The following CLC variants were observed in gnomAD, a reference collection of about 807,000 sequenced individuals.
CLC encodes the protein Charcot-Leyden crystal galectin, also known as galectin-10.
Under a neutral mutation model 13.9 loss-of-function variants are expected in CLC, and 15 were observed. The observed-to-expected ratio is 1.08, with a 90% CI of 0.72 to 1.66. CLC has a LOEUF of 1.66. Ranked by LOEUF, CLC falls within the 40% of genes most tolerant of loss-of-function variation. CLC has a pLI of 0.00. For synonymous variants in CLC, 68 were observed against 59.9 expected (o/e 1.14, Z -0.63); for missense variants, 161 against 169.1 (o/e 0.95, Z 0.27).
At chr19:39,733,785 A>T in intron 3 of CLC, 1 of 203,946 alleles carries the variant, frequency 4.9e-6, no homozygotes. Flanking sequence ...AGACTATGGA[A>T]GAAGAGTAGA....
At chr19:39,735,759 G>T (rs1221843687) in intron 1 of CLC, among the ~76,000 whole-genome samples, 1 of 152,094 alleles carries the variant, frequency 6.6e-6, no homozygotes, top group Non-Finnish European at 1.5e-5. Flanking sequence ...CTAAACCCTG[G>T]CACGTATAGG....
At chr19:39,731,535 A>T in intron 3 of CLC, 30 bp from the exon 4 acceptor site, 1 of 1,579,934 alleles carries the variant, frequency 6.3e-7, no homozygotes. Flanking sequence ...CATCAGAAAG[A>T]CAGTATTTCA....
chr19:39,735,286 C>G (rs1198302759), intron 1 of CLC, among the ~76,000 whole-genome samples: 1 of 152,152 alleles, frequency 6.6e-6, no homozygotes, highest in Non-Finnish European at 1.5e-5. Flanking sequence ...TCAATTAGAT[C>G]CTTTATTGTG....
chr19:39,737,827 T>C (rs1967336933), intron 1 of CLC, 111 bp downstream of exon 1: 3 of 1,129,342 alleles, frequency 2.7e-6, no homozygotes, highest in Non-Finnish European at 2.6e-6. Context: ...CACCCACAAC[T>C]CTCAGTAAAG....
intron 3 of CLC, among the ~76,000 whole-genome samples, chr19:39,731,806 G>A (rs1967230129): frequency 1.3e-5 from 2 of 152,172 alleles, no homozygotes; most frequent in South Asian, 4.1e-4. Context: ...CAGGGACTGT[G>A]TTTCATAAAC....
At chr19:39,736,244 G>A (rs1270021844) in intron 1 of CLC, among the ~76,000 whole-genome samples, 3 of 151,012 alleles carry the variant, frequency 2.0e-5, no homozygotes, top group Admixed American at 6.6e-5. Flanking sequence ...AGAGGGAAAC[G>A]AACAGGAAAG....
intron 1 of CLC, among the ~76,000 whole-genome samples, chr19:39,735,292 T>C (rs910121018): frequency 1.3e-5 from 2 of 152,210 alleles, no homozygotes; most frequent in African/African-American, 4.8e-5. Context: ...AGATCCTTTA[T>C]TGTGCTGACT....
At chr19:39,737,821 C>T in intron 1 of CLC, 117 bp downstream of exon 1, 1 of 1,092,376 alleles carries the variant, frequency 9.2e-7, no homozygotes, top group East Asian at 2.4e-5. Flanking sequence ...TCCACACACC[C>T]ACAACTCTCA....
intron 1 of CLC, 41 bp downstream of exon 1, chr19:39,737,897 T>A (rs1431490321): frequency 6.3e-7 from 1 of 1,595,728 alleles, no homozygotes; most frequent in South Asian, 1.1e-5. Flanking sequence ...CCCTTTTCTG[T>A]GTGACCTGAG....
intron 1 of CLC, 106 bp downstream of exon 1, chr19:39,737,832 G>C: frequency 8.5e-7 from 1 of 1,174,440 alleles, no homozygotes; most frequent in East Asian, 2.3e-5. Flanking sequence ...ACAACTCTCA[G>C]TAAAGCATTC....
intron 1 of CLC, 36 bp from the exon 2 acceptor site, chr19:39,735,109 GC>G: frequency 2.1e-6 from 3 of 1,443,010 alleles, no homozygotes; most frequent in Non-Finnish European, 2.9e-6. Flanking sequence ...GAGAGGCAGG[GC>G]CAGGTGTGGC....
chr19:39,735,258 T>C (rs1461111113), intron 1 of CLC, among the ~76,000 whole-genome samples, 185 bp from the exon 2 acceptor site: 2 of 152,156 alleles, frequency 1.3e-5, no homozygotes, highest in African/African-American at 4.8e-5. Flanking sequence ...AGAGCAGAGC[T>C]TCAGAAACTG....
At chr19:39,735,162 G>T in intron 1 of CLC, 89 bp from the exon 2 acceptor site, 2 of 903,952 alleles carry the variant, frequency 2.2e-6, no homozygotes, top group Admixed American at 1.8e-5. Context: ...GCCAGTTAGA[G>T]ATCAAGCAGT....
At chr19:39,737,271 A>T (rs1394147009) in intron 1 of CLC, among the ~76,000 whole-genome samples, 1 of 151,530 alleles carries the variant, frequency 6.6e-6, no homozygotes, top group East Asian at 1.9e-4. Flanking sequence ...CTGAGAATTC[A>T]TGCATTCTGC....
rs116496983 is a variant in CLC at position 39,735,949 on chromosome 19, A to G, written c.16-876T>C. On this transcript the variant is annotated intron_variant, in intron 1 of 3. Transcript: ENST00000221804. The stretch of plus-strand genomic sequence containing the variant: ...TTTGAGAACAGCTACAAATAATGAC[A>G]CTATAAACATTTCTGTATAGGATTT... Among the ~76,000 whole-genome samples, 1,094 of 152,302 alleles carry G rather than the reference A, an allele frequency of 7.2e-3. 10 individuals carry two copies. The highest frequency in any genetic ancestry group is 0.025 in the African/African-American group (1,040 of 41,566).
intron 2 of CLC, among the ~76,000 whole-genome samples, chr19:39,734,704 G>C (rs1568501060): frequency 6.6e-6 from 1 of 152,190 alleles, no homozygotes; most frequent in East Asian, 1.9e-4. Flanking sequence ...CTGAGCCATA[G>C]TCACTGACTT....
chr19:39,733,956 G>A (rs1967266864), intron 3 of CLC: 2 of 984,850 alleles, frequency 2.0e-6, no homozygotes, highest in East Asian at 2.3e-4. Context: ...CTCCATTTGG[G>A]GAAAATGGCA....
In CLC at chr19:39,731,422, A is replaced by G; in HGVS notation, c.387T>C (p.Asp129=). 6.2e-7 allele frequency: 1 copy of G among 1,613,800 alleles called. No homozygotes were observed. The highest frequency in any genetic ancestry group is 1.1e-5 in the South Asian group (1 of 91,082). The change falls in exon 4 of 4, where the codon GAT becomes GAC. Residue 129 remains aspartate, a synonymous_variant. Coordinates refer to ENST00000221804, the MANE Select transcript of CLC (RefSeq NM_001828.6). ...TGACATTAAATTTGGTCAGGGAGAT[A>G]TCTCTCCACACTTGCACCATCTTCA... The part of the protein sequence containing the change: ...EAVKMVQVWR[D]ISLTKFNVSY...
intron 1 of CLC, among the ~76,000 whole-genome samples, chr19:39,737,538 A>G (rs899239215): frequency 1.2e-4 from 18 of 151,914 alleles, no homozygotes; most frequent in Non-Finnish European, 2.9e-5. Flanking sequence ...TGTGCATATA[A>G]AGATGCTCAT....
Sources: allele counts gnomAD v4.1 joint callset (sites outside exome capture counted in the v4.1 genomes callset), GRCh38; gene constraint gnomAD v4.1.1; transcripts MANE v1.5; gene names NCBI Gene and HGNC (gene_info 2026-07-23, HGNC 2026-07-21).